The following MCPH1 variants were observed in gnomAD, a reference collection of about 807,000 sequenced individuals.
MCPH1 encodes microcephalin.
Under a neutral mutation model 84.5 loss-of-function variants are expected in MCPH1, and 104 were observed. That is an observed-to-expected ratio of 1.23 (90% CI 1.05 to 1.45). The LOEUF (loss-of-function observed/expected upper bound fraction) is 1.45. Ranked by LOEUF, MCPH1 falls within the 40% of genes most tolerant of loss-of-function variation. MCPH1 has a pLI of 0.00. For synonymous variants in MCPH1, 514 were observed against 366.8 expected (o/e 1.40, Z -4.58); for missense variants, 1,498 against 1,005.7 (o/e 1.49, Z -6.62).
In MCPH1 at chr8:6,414,832, A is replaced by T; in HGVS notation, c.182A>T (p.Asp61Val). 6.2e-7 allele frequency: 1 copy of T among 1,613,902 alleles called. No homozygotes were observed. The highest frequency in any genetic ancestry group is 1.1e-5 in the South Asian group (1 of 91,068). ...IFKDGYQSTW[D>V]KAQKRGVKLV... ...AAAGATGGCTACCAGAGCACTTGGG[A>T]CAAAGCTCAGAAGAGAGGCGTAAAG... is the stretch of plus-strand genomic sequence containing the variant. Residue 61 changes from aspartate to valine, a missense_variant, in exon 3 of 14, where the codon GAC becomes GTC. Asp to Val is a radical substitution (Grantham distance 152). Transcript: ENST00000344683.
intron 9 of MCPH1, among the ~76,000 whole-genome samples, chr8:6,470,420 A>G (rs1450572420): frequency 6.6e-6 from 1 of 152,052 alleles, no homozygotes; most frequent in East Asian, 1.9e-4. Context: ...AGTAGCTGGG[A>G]TTACAGGTTT....
intron 12 of MCPH1, among the ~76,000 whole-genome samples, chr8:6,519,386 A>G (rs1159222532): frequency 6.6e-6 from 1 of 152,232 alleles, no homozygotes; most frequent in African/African-American, 2.4e-5. Flanking sequence ...AGCTAACTGT[A>G]CAAGTCACTA....
At chr8:6,472,799 T>G (rs1189619503) in intron 9 of MCPH1, among the ~76,000 whole-genome samples, 1 of 152,196 alleles carries the variant, frequency 6.6e-6, no homozygotes, top group Non-Finnish European at 1.5e-5. Context: ...ATATATCATT[T>G]AGGATTTGAT....
At chr8:6,461,143 A>G (rs568021563) in intron 9 of MCPH1, among the ~76,000 whole-genome samples, 1 of 152,258 alleles carries the variant, frequency 6.6e-6, no homozygotes, top group Non-Finnish European at 1.5e-5. Flanking sequence ...TTTCTCTTAA[A>G]GAGTGAAAAA....
chr8:6,486,805 G>A (rs965459426), intron 11 of MCPH1, among the ~76,000 whole-genome samples: 8 of 152,156 alleles, frequency 5.3e-5, no homozygotes, highest in African/African-American at 1.7e-4. Flanking sequence ...AAATTAATTT[G>A]ACCAAAGTGT....
chr8:6,566,867 G>A (rs943232152), intron 12 of MCPH1, among the ~76,000 whole-genome samples: 4 of 150,994 alleles, frequency 2.6e-5, no homozygotes, highest in African/African-American at 9.8e-5. Context: ...TGATCAGCAA[G>A]GCCATGGATA....
intron 12 of MCPH1, among the ~76,000 whole-genome samples, chr8:6,581,293 G>T (rs1486250951): frequency 6.6e-6 from 1 of 152,108 alleles, no homozygotes; most frequent in African/African-American, 2.4e-5. Context: ...CATCACCAAG[G>T]TCTGATTTTT....
intron 12 of MCPH1, chr8:6,514,905 C>T (rs968135963): frequency 9.4e-5 from 64 of 677,864 alleles, no homozygotes; most frequent in South Asian, 4.5e-4. Flanking sequence ...ATATAAGGCA[C>T]GGAGTAGACC....
intron 2 of MCPH1, among the ~76,000 whole-genome samples, chr8:6,411,295 T>C (rs1798500687): frequency 6.6e-6 from 1 of 152,158 alleles, no homozygotes. Flanking sequence ...GAAGTTTTTA[T>C]CTTATAAGGA....
At chr8:6,616,355 G>C (rs1421215194) in intron 12 of MCPH1, 1 of 152,230 alleles carries the variant, frequency 6.6e-6, no homozygotes, top group Admixed American at 6.5e-5. Flanking sequence ...TTCATTTCTT[G>C]GTGATGGATA....
At chr8:6,426,490 C>G (rs941306458) in intron 3 of MCPH1, among the ~76,000 whole-genome samples, 1 of 152,182 alleles carries the variant, frequency 6.6e-6, no homozygotes, top group Non-Finnish European at 1.5e-5. Context: ...GATGTTTTTG[C>G]GATCTGTCCG....
chr8:6,596,588 G>A (rs897762978), intron 12 of MCPH1, among the ~76,000 whole-genome samples: 1 of 152,082 alleles, frequency 6.6e-6, no homozygotes, highest in Non-Finnish European at 1.5e-5. Flanking sequence ...CCAGCGTGGA[G>A]GTGCAGGAGC....
chr8:6,407,653 T>G (rs1301072178), intron 1 of MCPH1, among the ~76,000 whole-genome samples: 1 of 152,238 alleles, frequency 6.6e-6, no homozygotes, highest in African/African-American at 2.4e-5. Context: ...GATGTGGCTA[T>G]TTTTCTAATG....
intron 12 of MCPH1, among the ~76,000 whole-genome samples, chr8:6,558,510 C>T (rs867262914): frequency 5.3e-5 from 8 of 152,278 alleles, no homozygotes; most frequent in African/African-American, 1.9e-4. Flanking sequence ...ATGGTAAGAC[C>T]ATTATCCTTC....
intron 12 of MCPH1, among the ~76,000 whole-genome samples, chr8:6,523,096 C>T (rs1817670631): frequency 6.6e-6 from 1 of 151,968 alleles, no homozygotes; most frequent in African/African-American, 2.4e-5. Context: ...CTCCCAGGTT[C>T]AAGCTATTCT....
At position 6,644,375 on chromosome 8, in the gene MCPH1, G is replaced by A. The variant is rs1473768548; in HGVS notation, c.*1326G>A. On this transcript the variant is annotated 3_prime_UTR_variant, in exon 14 of 14. Transcript: ENST00000344683. ...GATCAGGCAAGAATAAGCCATAAAAGGCATCCAAATAGGAAAAGAAGTCAA... is the reference window on the plus strand; with the variant it reads ...GATCAGGCAAGAATAAGCCATAAAAAGCATCCAAATAGGAAAAGAAGTCAA... The A allele has an allele frequency of 6.6e-6, 1 of 152,108 alleles. No individual in the cohort carries two copies. The highest frequency in any genetic ancestry group is 1.5e-5 in the Non-Finnish European group (1 of 68,024). The allele number at this position is 152,108 out of a possible 1,614,324, so 9.4% of individuals were successfully genotyped here.
chr8:6,521,428 T>C, intron 12 of MCPH1: 1 of 1,535,922 alleles, frequency 6.5e-7, no homozygotes, highest in Non-Finnish European at 8.9e-7. Flanking sequence ...GGAAAAGAAT[T>C]GTTAGTTAGT....
chr8:6,493,385 C>T (rs1442442802), intron 11 of MCPH1, among the ~76,000 whole-genome samples: 3 of 152,168 alleles, frequency 2.0e-5, no homozygotes, highest in African/African-American at 7.2e-5. Flanking sequence ...AATATTCAAG[C>T]CTAGGTCAAC....
At chr8:6,557,178 A>G (rs1824760507) in intron 12 of MCPH1, among the ~76,000 whole-genome samples, 1 of 152,108 alleles carries the variant, frequency 6.6e-6, no homozygotes, top group Admixed American at 6.5e-5. Context: ...TGCTTTTGTC[A>G]GAGGAGGGGA....
Sources: gnomAD v4.1 joint callset for allele counts (sites outside exome capture counted in the v4.1 genomes callset) on GRCh38, gnomAD v4.1.1 for gene constraint, MANE v1.5 for transcripts, NCBI Gene and HGNC (gene_info 2026-07-23, HGNC 2026-07-21) for gene names.